Variants in HERC3 observed in about 807,000 individuals in gnomAD.
HERC3 encodes the protein HECT and RLD domain containing E3 ubiquitin protein ligase 3, also known as probable E3 ubiquitin-protein ligase HERC3.
HERC3 carries 58 observed loss-of-function variants against 129.9 expected under a neutral mutation model. That is an observed-to-expected ratio of 0.45 (90% CI 0.36 to 0.56). The LOEUF is 0.56. Ranked by LOEUF, HERC3 falls within the 20% of genes least tolerant of loss-of-function variation. The pLI, the probability that HERC3 is intolerant of heterozygous loss-of-function variation, is 0.00. For synonymous variants in HERC3, 430 were observed against 451.0 expected (o/e 0.95, Z 0.59); for missense variants, 835 against 1,244.2 (o/e 0.67, Z 4.95).
chr4:88,579,163 C>T, the HERC3 span, among the ~76,000 whole-genome samples: 1 of 151,070 alleles, frequency 6.6e-6, no homozygotes. Flanking sequence ...TGGGTGGATC[C>T]CTGAGGTCAG....
chr4:88,671,155 A>G (rs1467171461), intron 16 of HERC3, among the ~76,000 whole-genome samples: 2 of 152,090 alleles, frequency 1.3e-5, no homozygotes, highest in Admixed American at 6.6e-5. Flanking sequence ...GATATATGCA[A>G]GGCTCTTTAG....
chr4:88,629,479 A>C (rs1311975573), intron 3 of HERC3, among the ~76,000 whole-genome samples: 1 of 152,136 alleles, frequency 6.6e-6, no homozygotes, highest in East Asian at 1.9e-4. Context: ...TACATATTTC[A>C]TTTTATAGGA....
At chr4:88,687,608 A>G (rs1413720634) in intron 23 of HERC3, among the ~76,000 whole-genome samples, 2 of 152,160 alleles carry the variant, frequency 1.3e-5, no homozygotes, top group Non-Finnish European at 2.9e-5. Flanking sequence ...TGTGCTCTCT[A>G]CTTCATGGGA....
chr4:88,541,854 A>C, the HERC3 span, among the ~76,000 whole-genome samples: 1 of 152,118 alleles, frequency 6.6e-6, no homozygotes, highest in East Asian at 1.9e-4. Flanking sequence ...CTACTGGGTA[A>C]ATAACAAAAT....
At chr4:88,706,701 GA>G in intron 25 of HERC3, 50 bp from the exon 26 acceptor site, 1 of 1,476,958 alleles carries the variant, frequency 6.8e-7, no homozygotes, top group Non-Finnish European at 9.4e-7. Context: ...GGATCTCTGA[GA>G]TCCATTTTCC....
At position 88,675,553 on chromosome 4, in the gene HERC3, CG is replaced by C. The variant is rs1485077718; in HGVS notation, c.1912-664del. Among the ~76,000 whole-genome samples the C allele has an allele frequency of 7.9e-5, 12 of 151,954 alleles. No individual in the cohort carries two copies. The East Asian group carries it at 2.3e-3, about 29-fold the overall frequency. ...GTTAATATTAAGTTAATGTTTGTTA[CG>C]TAACTTAACAAAAAGTGAACCTATA... On this transcript the variant is annotated intron_variant, in intron 16 of 25. Transcript: ENST00000402738.
Position 88,708,271 on chromosome 4 carries a change from T to G in HERC3, c.*1311T>G, listed in dbSNP as rs1735928393. 1 of 152,578 alleles carries G rather than the reference T, an allele frequency of 6.6e-6. No individual in the cohort carries two copies. Among genetic ancestry groups the G allele is most frequent in the Non-Finnish European group, 1.5e-5 (1 of 68,034 alleles). 9.5% of individuals were successfully genotyped at this position (152,578 alleles called of 1,614,324 possible). ...ATTAAAGAATCCATGTAAGTCTAAT[T>G]TTAAATTCCTAGTAACTAGAGAAAA... On this transcript the variant is annotated 3_prime_UTR_variant, in exon 26 of 26. Transcript: ENST00000402738.
intron 3 of HERC3, among the ~76,000 whole-genome samples, chr4:88,631,887 C>T (rs1262016950): frequency 6.6e-6 from 1 of 152,138 alleles, no homozygotes; most frequent in African/African-American, 2.4e-5. Flanking sequence ...CGACTGTATG[C>T]AACTATAAAA....
chr4:88,665,665 T>C (rs1360721782), intron 12 of HERC3, among the ~76,000 whole-genome samples: 5 of 152,188 alleles, frequency 3.3e-5, no homozygotes, highest in African/African-American at 1.2e-4. Context: ...TCTAGTCATG[T>C]TGACTCCTAA....
intron 3 of HERC3, among the ~76,000 whole-genome samples, chr4:88,613,408 C>T (rs966668798): frequency 5.3e-5 from 8 of 152,224 alleles, no homozygotes; most frequent in Non-Finnish European, 1.2e-4. Context: ...AAGCATTTCC[C>T]TAATGCCCAT....
chr4:88,665,040 C>A (rs10000885), intron 12 of HERC3, among the ~76,000 whole-genome samples: 6,687 of 152,268 alleles, frequency 0.044, 182 homozygotes, highest in Middle Eastern at 0.12. Context: ...TATATGAGAT[C>A]TCAAGATGAA....
chr4:88,694,319 T>C (rs1179383301), intron 23 of HERC3, among the ~76,000 whole-genome samples: 3 of 152,228 alleles, frequency 2.0e-5, no homozygotes, highest in African/African-American at 7.2e-5. Context: ...GACTTAATAA[T>C]TTTCATATGA....
At chr4:88,574,648 C>T in the HERC3 span, among the ~76,000 whole-genome samples, 3 of 152,116 alleles carry the variant, frequency 2.0e-5, no homozygotes, top group South Asian at 4.1e-4. Flanking sequence ...GCTTTAGGTA[C>T]GTTATAGTAG....
intron 2 of HERC3, among the ~76,000 whole-genome samples, chr4:88,603,031 G>A (rs916041127): frequency 2.6e-5 from 4 of 152,000 alleles, no homozygotes; most frequent in Non-Finnish European, 4.4e-5. Flanking sequence ...TCTTAACTTT[G>A]ATAGAAGGTT....
At chr4:88,692,200 A>G (rs182806498) in intron 23 of HERC3, among the ~76,000 whole-genome samples, 86 of 152,314 alleles carry the variant, frequency 5.6e-4, no homozygotes, top group Admixed American at 1.0e-3. Flanking sequence ...CTTATGGTCT[A>G]TAATATGGTG....
chr4:88,690,084 T>C (rs1733916958), intron 23 of HERC3: 1 of 985,266 alleles, frequency 1.0e-6, no homozygotes, highest in African/African-American at 1.7e-5. Flanking sequence ...TGGAATTATC[T>C]TGGCTCTAGA....
chr4:88,577,302 G>A, the HERC3 span, among the ~76,000 whole-genome samples: 1 of 152,102 alleles, frequency 6.6e-6, no homozygotes, highest in African/African-American at 2.4e-5. Context: ...TGGCATTAAA[G>A]CCTCATCTAA....
At chr4:88,591,946 G>A (rs1721734962), upstream of HERC3, among the ~76,000 whole-genome samples, 1 of 151,844 alleles carries the variant, frequency 6.6e-6, no homozygotes, top group Admixed American at 6.6e-5. Flanking sequence ...GGCGGCTGCC[G>A]CGTACCTCCT....
chr4:88,679,770 G>A (rs1732567799), intron 19 of HERC3, among the ~76,000 whole-genome samples: 1 of 152,034 alleles, frequency 6.6e-6, no homozygotes, highest in Non-Finnish European at 1.5e-5. Context: ...TGCCTGCCTC[G>A]GCCTCCCAAA....
Sources: allele counts gnomAD v4.1 joint callset (sites outside exome capture counted in the v4.1 genomes callset), GRCh38; gene constraint gnomAD v4.1.1; transcripts MANE v1.5; gene names NCBI Gene and HGNC (gene_info 2026-07-23, HGNC 2026-07-21).